Variants in SMIM3 observed in about 807,000 individuals in gnomAD.
SMIM3 encodes NGF-induced differentiation clone 67 protein.
A neutral mutation model predicts 2.1 loss-of-function variants in SMIM3; 4 were observed. The observed-to-expected ratio is 1.89, with a 90% CI of 0.93 to 4.31. The LOEUF (loss-of-function observed/expected upper bound fraction) is 4.31. Ranked by LOEUF, SMIM3 falls within the 30% of genes most tolerant of loss-of-function variation. SMIM3 has a pLI of 0.01. For synonymous variants in SMIM3, 29 were observed against 30.8 expected (o/e 0.94, Z 0.19); for missense variants, 79 against 77.7 (o/e 1.02, Z -0.06).
At chr5:150,791,114 G>A (rs553930362) in intron 1 of SMIM3, among the ~76,000 whole-genome samples, 3 of 152,182 alleles carry the variant, frequency 2.0e-5, no homozygotes, top group Non-Finnish European at 2.9e-5. Context: ...TCCAGCTCCC[G>A]AAAAGGTAAC....
chr5:150,786,306 G>A lies in SMIM3; in HGVS notation c.-12+7334G>A, dbSNP rs575580764. On this transcript the variant is annotated intron_variant, in intron 1 of 1. Coordinates refer to ENST00000526627, the MANE Select transcript of SMIM3 (RefSeq NM_032947.5). ...GTTCTCTTTGTTGTTGTTGTTTTTC[G>A]AGACAGGGTCTCACTCTGTCACCCA... is the stretch of plus-strand genomic sequence containing the variant. Among the ~76,000 whole-genome samples the A allele has an allele frequency of 4.6e-5, 7 of 151,684 alleles. No homozygotes were observed. The South Asian group carries it at 1.0e-3, about 23-fold the overall frequency.
At chr5:150,786,665 G>GT (rs574716301) in intron 1 of SMIM3, among the ~76,000 whole-genome samples, 2 of 152,078 alleles carry the variant, frequency 1.3e-5, no homozygotes, top group Non-Finnish European at 2.9e-5. Flanking sequence ...CAAACTTGGA[G>GT]TTTTTTCCTC....
chr5:150,794,692 C>T (rs1753384237), intron 1 of SMIM3, among the ~76,000 whole-genome samples: 1 of 152,132 alleles, frequency 6.6e-6, no homozygotes, highest in Non-Finnish European at 1.5e-5. Context: ...GGGCAGACTA[C>T]AAATAGCTGT....
intron 1 of SMIM3, among the ~76,000 whole-genome samples, chr5:150,785,789 G>T (rs991592482): frequency 2.0e-5 from 3 of 151,880 alleles, no homozygotes; most frequent in South Asian, 2.1e-4. Context: ...CACCATGTTG[G>T]CCAGGCTGGT....
chr5:150,795,403 G>A, intron 1 of SMIM3, 27 bp from the exon 2 acceptor site: 2 of 1,613,146 alleles, frequency 1.2e-6, no homozygotes, highest in East Asian at 2.2e-5. Context: ...GTACGCAACA[G>A]TGATCTTCCT....
rs553749235 is a variant in SMIM3, at chr5:150,796,267, T to G, written c.*644T>G. 2 of 153,146 alleles carry G rather than the reference T, an allele frequency of 1.3e-5. No homozygotes were observed. Among genetic ancestry groups the G allele is most frequent in the South Asian group, 4.2e-4 (2 of 4,818 alleles). The allele number at this position is 153,146 out of a possible 1,614,324, so 9.5% of individuals were successfully genotyped here. On this transcript the variant is annotated 3_prime_UTR_variant, in exon 2 of 2. Coordinates refer to ENST00000526627, the MANE Select transcript of SMIM3 (RefSeq NM_032947.5). ...AAGGGAGTTGGGGTGATGGGCTTCT[T>G]TCTGCACTGGAGTCTCACATCTGTT...
intron 1 of SMIM3, among the ~76,000 whole-genome samples, chr5:150,779,667 G>T (rs983440466): frequency 6.6e-6 from 1 of 152,174 alleles, no homozygotes; most frequent in African/African-American, 2.4e-5. Context: ...AGTTGTTCCA[G>T]TTGCTGGTTG....
intron 1 of SMIM3, among the ~76,000 whole-genome samples, chr5:150,780,118 T>C (rs1168947641): frequency 6.6e-6 from 1 of 152,150 alleles, no homozygotes; most frequent in Non-Finnish European, 1.5e-5. Context: ...TTTGGAAGGA[T>C]TGGGGATGCC....
intron 1 of SMIM3, among the ~76,000 whole-genome samples, chr5:150,780,724 A>T (rs1011590808): frequency 2.6e-5 from 4 of 152,308 alleles, no homozygotes; most frequent in African/African-American, 9.6e-5. Flanking sequence ...TTTCTCAGCC[A>T]TACGCCAATC....
In SMIM3 at chr5:150,795,572, A is replaced by C. The variant is rs1457825744; in HGVS notation, c.132A>C (p.Ala44=). The C allele has an allele frequency of 1.6e-5, 26 of 1,599,252 alleles. No homozygotes were observed. The highest frequency in any genetic ancestry group is 2.1e-5 in the Non-Finnish European group (25 of 1,176,296). Residue 44 remains alanine (A), a synonymous_variant, in exon 2 of 2, where the codon GCA becomes GCC. Transcript: ENST00000526627. ...MTSLLLCPAT[A]VIIYRMRTHP... ...CGTTGTTGCTGTGCCCAGCCACTGC[A>C]GTAATCATCTATCGCATGCGGACTC...
chr5:150,790,645 A>G (rs1753340510), intron 1 of SMIM3, among the ~76,000 whole-genome samples: 1 of 152,184 alleles, frequency 6.6e-6, no homozygotes, highest in Admixed American at 6.5e-5. Context: ...CTGGGAATCA[A>G]TTCCCAAATC....
At chr5:150,788,643 A>G (rs944055705) in intron 1 of SMIM3, among the ~76,000 whole-genome samples, 2 of 151,660 alleles carry the variant, frequency 1.3e-5, no homozygotes, top group African/African-American at 4.8e-5. Context: ...CAAAAAAAAA[A>G]AAAAAAGAAA....
intron 1 of SMIM3, among the ~76,000 whole-genome samples, chr5:150,788,633 CAAAAA>C (rs765111003): frequency 1.2e-5 from 1 of 80,022 alleles, no homozygotes; most frequent in Non-Finnish European, 3.0e-5. Context: ...GACTGTGTCT[CAAAAA>C]AAAAAAAAAA....
chr5:150,783,914 CTTTTTT>C (rs557905770), intron 1 of SMIM3, among the ~76,000 whole-genome samples: 1,286 of 124,314 alleles, frequency 0.01, 24 homozygotes, highest in African/African-American at 0.04. Context: ...TTTGAACTCC[CTTTTTT>C]TTTTTTTTTT....
At chr5:150,793,641 C>A (rs1397139012) in intron 1 of SMIM3, among the ~76,000 whole-genome samples, 2 of 152,284 alleles carry the variant, frequency 1.3e-5, no homozygotes, top group African/African-American at 4.8e-5. Flanking sequence ...GAAACTGGAT[C>A]CTCATCTCTC....
intron 1 of SMIM3, among the ~76,000 whole-genome samples, chr5:150,790,643 C>G (rs1437289422): frequency 6.6e-6 from 1 of 152,132 alleles, no homozygotes; most frequent in African/African-American, 2.4e-5. Context: ...ACCTGGGAAT[C>G]AATTCCCAAA....
At chr5:150,791,578 G>A (rs1441922747) in intron 1 of SMIM3, among the ~76,000 whole-genome samples, 1 of 152,070 alleles carries the variant, frequency 6.6e-6, no homozygotes, top group African/African-American at 2.4e-5. Flanking sequence ...GTCACAAATG[G>A]CACTAATTTC....
intron 1 of SMIM3, among the ~76,000 whole-genome samples, chr5:150,785,739 C>T (rs528617687): frequency 4.0e-4 from 60 of 151,888 alleles, no homozygotes; most frequent in Middle Eastern, 6.8e-3. Context: ...TGTGCCACAA[C>T]GCCTGGCTAA....
Position 150,795,692 on chromosome 5 carries a change from G to C in SMIM3, c.*69G>C. ...TATCCCCAGCCTCTTCCTGTCTTCA[G>C]AAAAGCAGCAGGAGGGACTTTGGGG... is the stretch of plus-strand genomic sequence containing the variant. On this transcript the variant is annotated 3_prime_UTR_variant, in exon 2 of 2. Transcript: ENST00000526627. 2 of 1,493,110 alleles carry C rather than the reference G, an allele frequency of 1.3e-6. No homozygotes were observed. Among genetic ancestry groups the C allele is most frequent in the Admixed American group, 2.0e-5 (1 of 49,698 alleles). 92.5% of individuals were successfully genotyped at this position (1,493,110 alleles called of 1,614,324 possible). A position where few individuals can be genotyped will look rare whatever the true frequency, so the allele number is the denominator to read the frequency against.
Sources: gnomAD v4.1 joint callset for allele counts (sites outside exome capture counted in the v4.1 genomes callset) on GRCh38, gnomAD v4.1.1 for gene constraint, MANE v1.5 for transcripts, NCBI Gene and HGNC (gene_info 2026-07-23, HGNC 2026-07-21) for gene names.